The following EXOC4 variants were observed in gnomAD, a reference collection of about 807,000 sequenced individuals.
EXOC4 encodes exocyst complex component 4.
EXOC4 carries 71 observed loss-of-function variants against 107.2 expected under a neutral mutation model. The observed-to-expected ratio is 0.66, with a 90% CI of 0.55 to 0.81. The LOEUF (loss-of-function observed/expected upper bound fraction) is 0.81, where lower values mean the gene tolerates loss of function less well. EXOC4 is among the 30% of genes least tolerant of loss of function. The probability of loss-of-function intolerance (pLI) is 0.00; values close to 1 mark genes in which losing one functional copy is unlikely to be tolerated. For missense variants in EXOC4, 1,108 were observed against 1,189.6 expected, an observed-to-expected ratio of 0.93 and a Z score of 1.01; for synonymous variants, 456 against 441.2, an observed-to-expected ratio of 1.03 and a Z score of -0.42.
intron 10 of EXOC4, among the ~76,000 whole-genome samples, chr7:133,665,704 G>T (rs1793795281): frequency 6.6e-6 from 1 of 151,968 alleles, no homozygotes; most frequent in African/African-American, 2.4e-5. Flanking sequence ...AATCTCCCTG[G>T]ATGATCTACA....
intron 9 of EXOC4, among the ~76,000 whole-genome samples, chr7:133,622,679 T>C (rs1802363034): frequency 6.6e-6 from 1 of 152,154 alleles, no homozygotes; most frequent in South Asian, 2.1e-4. Context: ...ATAGTGAGGC[T>C]TTTTGTGTTT....
chr7:133,341,464 T>C (rs1336736348), intron 5 of EXOC4, among the ~76,000 whole-genome samples: 2 of 152,200 alleles, frequency 1.3e-5, no homozygotes, highest in African/African-American at 4.8e-5. Flanking sequence ...AAGGTCTGTC[T>C]TGGAGAATTT....
chr7:133,363,118 C>T (rs1796169956), intron 6 of EXOC4, among the ~76,000 whole-genome samples: 1 of 152,174 alleles, frequency 6.6e-6, no homozygotes, highest in African/African-American at 2.4e-5. Flanking sequence ...GATTAAATCT[C>T]TACTTTTGAT....
At chr7:134,011,587 C>T (rs1249303779) in intron 17 of EXOC4, among the ~76,000 whole-genome samples, 6 of 151,674 alleles carry the variant, frequency 4.0e-5, no homozygotes, top group Admixed American at 6.6e-5. Context: ...AGCGGTAGGG[C>T]GAAAAATTGT....
intron 10 of EXOC4, among the ~76,000 whole-genome samples, chr7:133,658,257 A>G (rs1396446641): frequency 6.6e-6 from 1 of 152,108 alleles, no homozygotes; most frequent in Non-Finnish European, 1.5e-5. Context: ...GCCAGTATGA[A>G]CTTGTTTCTC....
At chr7:133,467,098 C>T (rs1023320368) in intron 7 of EXOC4, among the ~76,000 whole-genome samples, 5 of 152,022 alleles carry the variant, frequency 3.3e-5, no homozygotes, top group Admixed American at 3.3e-4. Context: ...GCGTATATTC[C>T]AAACAAAATT....
chr7:134,072,908 G>C, the EXOC4 span, among the ~76,000 whole-genome samples: 1 of 152,068 alleles, frequency 6.6e-6, no homozygotes, highest in South Asian at 2.1e-4. Flanking sequence ...TTCTTGGTTA[G>C]AAAGGCCCAG....
chr7:134,085,737 GTGTT>G, the EXOC4 span, among the ~76,000 whole-genome samples: 28 of 152,164 alleles, frequency 1.8e-4, no homozygotes, highest in Admixed American at 4.6e-4. Flanking sequence ...TATCCCTAGG[GTGTT>G]TGTCAAAAAC....
chr7:133,364,702 A>G (rs571015968), intron 6 of EXOC4, among the ~76,000 whole-genome samples: 449 of 152,302 alleles, frequency 2.9e-3, no homozygotes, highest in Non-Finnish European at 4.9e-3. Context: ...CATCACAAAC[A>G]TCATAGAATT....
intron 9 of EXOC4, among the ~76,000 whole-genome samples, chr7:133,581,151 C>T (rs1314190764): frequency 6.6e-6 from 1 of 152,166 alleles, no homozygotes; most frequent in Non-Finnish European, 1.5e-5. Context: ...GACCCCCCAA[C>T]TGTTCTCTGA....
At chr7:133,509,007 T>G (rs1226195254) in intron 9 of EXOC4, among the ~76,000 whole-genome samples, 1 of 152,238 alleles carries the variant, frequency 6.6e-6, no homozygotes, top group African/African-American at 2.4e-5. Context: ...TAGAAACTGC[T>G]GGTTGCTTAG....
intron 9 of EXOC4, among the ~76,000 whole-genome samples, chr7:133,537,591 A>G (rs1057129274): frequency 1.3e-5 from 2 of 152,122 alleles, no homozygotes; most frequent in Admixed American, 1.3e-4. Context: ...TGTTTCTTCT[A>G]GTCAGATTCT....
At chr7:133,600,443 C>G (rs1205076516) in intron 9 of EXOC4, among the ~76,000 whole-genome samples, 1 of 152,104 alleles carries the variant, frequency 6.6e-6, no homozygotes, top group African/African-American at 2.4e-5. Flanking sequence ...TTACATAGAC[C>G]TATTTTCTTC....
intron 11 of EXOC4, among the ~76,000 whole-genome samples, chr7:133,844,378 C>CATTTTT (rs1371732321): frequency 6.0e-5 from 5 of 83,346 alleles, no homozygotes; most frequent in Non-Finnish European, 6.6e-5. Context: ...CCACATATTC[C>CATTTTT]TTTTTTTTTT....
intron 7 of EXOC4, among the ~76,000 whole-genome samples, chr7:133,436,740 G>A (rs1245053382): frequency 6.6e-6 from 1 of 152,122 alleles, no homozygotes; most frequent in Admixed American, 6.5e-5. Flanking sequence ...TATATGGAAT[G>A]CACTGTGTTC....
chr7:133,726,803 AGTT>A (rs145809992), intron 10 of EXOC4, among the ~76,000 whole-genome samples: 1 of 152,260 alleles, frequency 6.6e-6, no homozygotes, highest in East Asian at 1.9e-4. Context: ...ATTTGGTTCC[AGTT>A]GTTCATTTTG....
At chr7:134,072,603 T>A in the EXOC4 span, among the ~76,000 whole-genome samples, 1 of 152,192 alleles carries the variant, frequency 6.6e-6, no homozygotes, top group Non-Finnish European at 1.5e-5. Context: ...CTTAAACTGT[T>A]CGCTATGCTA....
chr7:133,278,983 C>T (rs1794066292), intron 2 of EXOC4, among the ~76,000 whole-genome samples: 1 of 151,684 alleles, frequency 6.6e-6, no homozygotes, highest in Non-Finnish European at 1.5e-5. Context: ...CCCCACCCCA[C>T]AACAGTCCCC....
intron 10 of EXOC4, among the ~76,000 whole-genome samples, chr7:133,799,911 T>C (rs1796897642): frequency 6.6e-6 from 1 of 152,180 alleles, no homozygotes; most frequent in African/African-American, 2.4e-5. Context: ...TAATGTGATT[T>C]AAAGGAAATA....
Sources: gnomAD v4.1 joint callset for allele counts (sites outside exome capture counted in the v4.1 genomes callset) on GRCh38, gnomAD v4.1.1 for gene constraint, MANE v1.5 for transcripts, NCBI Gene and HGNC (gene_info 2026-07-23, HGNC 2026-07-21) for gene names.